Variants in MCPH1 observed in about 807,000 individuals in gnomAD.
The protein encoded by MCPH1 is microcephalin.
Under a neutral mutation model 84.5 loss-of-function variants are expected in MCPH1, and 104 were observed. The observed-to-expected ratio is 1.23, with a 90% CI of 1.05 to 1.45. The LOEUF is 1.45. Ranked by LOEUF, MCPH1 falls within the 40% of genes most tolerant of loss-of-function variation. The pLI, the probability that MCPH1 is intolerant of heterozygous loss-of-function variation, is 0.00. For synonymous variants in MCPH1, 514 were observed against 366.8 expected (o/e 1.40, Z -4.58); for missense variants, 1,498 against 1,005.7 (o/e 1.49, Z -6.62).
At chr8:6,449,892 C>T (rs1804891110) in intron 8 of MCPH1, among the ~76,000 whole-genome samples, 1 of 152,144 alleles carries the variant, frequency 6.6e-6, no homozygotes, top group Non-Finnish European at 1.5e-5. Context: ...TAGTTAAAGC[C>T]GACTGGTCAT....
intron 12 of MCPH1, among the ~76,000 whole-genome samples, chr8:6,534,984 T>C (rs1057187825): frequency 6.6e-6 from 1 of 152,200 alleles, no homozygotes; most frequent in African/African-American, 2.4e-5. Context: ...TAGTTACTCC[T>C]CACAGCACCC....
At chr8:6,430,245 T>A (rs2129553870) in intron 3 of MCPH1, among the ~76,000 whole-genome samples, 1 of 152,312 alleles carries the variant, frequency 6.6e-6, no homozygotes, top group African/African-American at 2.4e-5. Context: ...ATTTGTACAT[T>A]TTTGCAGATT....
At chr8:6,441,862 AAGACT>A (rs1214917627) in intron 6 of MCPH1, among the ~76,000 whole-genome samples, 200 bp from the exon 7 acceptor site, 1 of 152,248 alleles carries the variant, frequency 6.6e-6, no homozygotes, top group Non-Finnish European at 1.5e-5. Context: ...ATCAAATAAG[AAGACT>A]AGAACAGACT....
In MCPH1 at chr8:6,444,774, G is replaced by T. The variant is rs145820898; in HGVS notation, c.1052G>T (p.Ser351Ile). 50 of 1,614,062 alleles carry T rather than the reference G, an allele frequency of 3.1e-5. No homozygotes were observed. The East Asian group carries it at 9.8e-4, about 32-fold the overall frequency. Residue 351 changes from serine to isoleucine, a missense_variant, in exon 8 of 14, where the codon AGT (serine) becomes ATT (isoleucine). Transcript: ENST00000344683. ...CTTTTGATACATTCAAGACCCAGGA[G>T]TTCCTCAGTAAAGAGAAAAAGAGTA... is the stretch of plus-strand genomic sequence containing the variant. ...GHLLIHSRPRSSSVKRKRVSH... is the reference protein window; with the variant it reads ...GHLLIHSRPRISSVKRKRVSH...
chr8:6,610,412 A>G (rs900682414), intron 12 of MCPH1, among the ~76,000 whole-genome samples: 2 of 152,142 alleles, frequency 1.3e-5, no homozygotes, highest in Non-Finnish European at 1.5e-5. Context: ...ACTTACCTTA[A>G]ATCTCACTAC....
chr8:6,641,222 G>C (rs970159725), intron 13 of MCPH1, among the ~76,000 whole-genome samples: 1 of 151,506 alleles, frequency 6.6e-6, no homozygotes, highest in Non-Finnish European at 1.5e-5. Flanking sequence ...ATTTTTTTAT[G>C]ATTTTTCAAA....
At chr8:6,463,697 G>A (rs1016158867) in intron 9 of MCPH1, among the ~76,000 whole-genome samples, 1 of 152,184 alleles carries the variant, frequency 6.6e-6, no homozygotes, top group South Asian at 2.1e-4. Flanking sequence ...ATGCCTTCCT[G>A]AGCAGAGAAA....
At chr8:6,469,990 G>A (rs1014072120) in intron 9 of MCPH1, among the ~76,000 whole-genome samples, 7 of 152,006 alleles carry the variant, frequency 4.6e-5, no homozygotes, top group African/African-American at 1.7e-4. Flanking sequence ...CTTTGGATGC[G>A]CCTAACTGTG....
At chr8:6,587,431 G>T (rs1828086016) in intron 12 of MCPH1, among the ~76,000 whole-genome samples, 1 of 152,158 alleles carries the variant, frequency 6.6e-6, no homozygotes, top group Admixed American at 6.5e-5. Flanking sequence ...CACTTTCAAT[G>T]TGTGGTTGGA....
chr8:6,625,789 A>G (rs1682437979), intron 13 of MCPH1: 2 of 983,086 alleles, frequency 2.0e-6, no homozygotes, highest in South Asian at 4.7e-5. Context: ...ATCTCTAAAA[A>G]GAAAAAAAAA....
At chr8:6,576,498 T>TCCCTTTCCCTTC (rs1554462025) in intron 12 of MCPH1, among the ~76,000 whole-genome samples, 7 of 139,826 alleles carry the variant, frequency 5.0e-5, no homozygotes, top group African/African-American at 1.9e-4. Flanking sequence ...CTTTTCCCTT[T>TCCCTTTCCCTTC]CCCTTCCCCT....
intron 12 of MCPH1, among the ~76,000 whole-genome samples, chr8:6,544,682 A>G (rs1301793842): frequency 3.3e-5 from 5 of 152,182 alleles, no homozygotes; most frequent in Non-Finnish European, 4.4e-5. Context: ...TCCTCATTCT[A>G]AAGTAATTTT....
At chr8:6,523,068 G>C (rs894011793) in intron 12 of MCPH1, among the ~76,000 whole-genome samples, 1 of 151,904 alleles carries the variant, frequency 6.6e-6, no homozygotes, top group African/African-American at 2.4e-5. Flanking sequence ...TGCCATCTTG[G>C]CTCACTGCAA....
Position 6,621,805 on chromosome 8 carries a change from A to G in MCPH1, c.2452+114A>G, listed in dbSNP as rs972599107. On this transcript the variant is annotated intron_variant, in intron 13 of 13. Transcript: ENST00000344683. ...CCACGCAGCTGGGGCACCTGGGTTG[A>G]TGTCTCAGCCTCCAGCATCTGCCCT... The G allele has an allele frequency of 6.4e-6, 9 of 1,402,560 alleles. No individual in the cohort carries two copies. The African/African-American group carries it at 1.1e-4, about 18-fold the overall frequency. 86.9% of individuals were successfully genotyped at this position (1,402,560 alleles called of 1,614,324 possible).
chr8:6,436,005 G>A, intron 4 of MCPH1, 43 bp from the exon 5 acceptor site: 1 of 1,608,038 alleles, frequency 6.2e-7, no homozygotes, highest in Non-Finnish European at 8.5e-7. Flanking sequence ...CCTGCCTTAA[G>A]CAGTTGCAGT....
At chr8:6,561,618 C>G (rs1320461026) in intron 12 of MCPH1, among the ~76,000 whole-genome samples, 1 of 152,240 alleles carries the variant, frequency 6.6e-6, no homozygotes, top group Non-Finnish European at 1.5e-5. Flanking sequence ...TAGATAATCA[C>G]ATTCCCTGCC....
chr8:6,642,689 C>G (rs1798011327), intron 13 of MCPH1: 1 of 457,734 alleles, frequency 2.2e-6, no homozygotes, highest in Non-Finnish European at 4.0e-6. Context: ...GACTGGCAAG[C>G]TTCCCACCCT....
At chr8:6,635,108 G>A (rs759648040) in intron 13 of MCPH1, 1 of 152,190 alleles carries the variant, frequency 6.6e-6, no homozygotes, top group African/African-American at 2.4e-5. Flanking sequence ...AGAAGAAAAG[G>A]ATGTCTGACC....
intron 12 of MCPH1, chr8:6,620,298 T>A (rs1253895936): frequency 6.6e-6 from 1 of 152,212 alleles, no homozygotes; most frequent in African/African-American, 2.4e-5. Flanking sequence ...ATCTACTCCA[T>A]TGATGCTGGA....
Sources: gnomAD v4.1 joint callset for allele counts (sites outside exome capture counted in the v4.1 genomes callset) on GRCh38, gnomAD v4.1.1 for gene constraint, MANE v1.5 for transcripts, NCBI Gene and HGNC (gene_info 2026-07-23, HGNC 2026-07-21) for gene names.